The following LRBA variants were observed in gnomAD, a reference collection of about 807,000 sequenced individuals.
LRBA encodes LPS responsive beige-like anchor protein, also known as lipopolysaccharide-responsive and beige-like anchor protein.
Under a neutral mutation model 330.0 loss-of-function variants are expected in LRBA, and 176 were observed. That is an observed-to-expected ratio of 0.53 (90% confidence interval 0.47 to 0.60). LRBA has a LOEUF of 0.60. Ranked by LOEUF, LRBA falls within the 20% of genes least tolerant of loss-of-function variation. LRBA has a pLI of 0.00. For synonymous variants in LRBA, 1,230 were observed against 1,193.0 expected (o/e 1.03, Z -0.64); for missense variants, 3,259 against 3,444.8 (o/e 0.95, Z 1.35).
intron 47 of LRBA, among the ~76,000 whole-genome samples, chr4:150,378,437 T>G (rs1275830922): frequency 1.3e-5 from 2 of 152,232 alleles, no homozygotes; most frequent in Admixed American, 6.5e-5. Flanking sequence ...CTTTTATTAA[T>G]GGCTTTTATT....
At chr4:150,432,413 T>G (rs1750514706) in intron 46 of LRBA, among the ~76,000 whole-genome samples, 1 of 150,564 alleles carries the variant, frequency 6.6e-6, no homozygotes, top group Non-Finnish European at 1.5e-5. Context: ...AATGAAATAT[T>G]TACATATATT....
chr4:150,636,977 T>A (rs760629914), intron 37 of LRBA, among the ~76,000 whole-genome samples: 4 of 152,134 alleles, frequency 2.6e-5, no homozygotes, highest in Non-Finnish European at 5.9e-5. Context: ...CAATAATATG[T>A]CTAGAAGGGA....
Position 150,915,616 on chromosome 4 carries a change from T to C in LRBA, c.1006A>G (p.Thr336Ala), listed in dbSNP as rs1579191472. The change falls in exon 8 of 57, where the codon ACT becomes GCT. Residue 336 changes from threonine to alanine, a missense_variant. By Grantham distance (58) the Thr-to-Ala change is moderately conservative. Coordinates refer to ENST00000651943, the MANE Select transcript of LRBA (RefSeq NM_001364905.1). The part of the protein sequence containing the change: ...SYGEITWFVN[T>A]SDTFDKCFLG... ...ATTTTGAAACTACTTACATCGCTAG[T>C]GTTGACAAACCATGTTATCTCTCCA... is the stretch of plus-strand genomic sequence containing the variant. The C allele has an allele frequency of 2.5e-6, 4 of 1,609,538 alleles. No individual in the cohort carries two copies. The East Asian group carries it at 8.9e-5, about 36-fold the overall frequency.
chr4:150,384,739 A>G (rs1259586442), intron 47 of LRBA, among the ~76,000 whole-genome samples: 1 of 151,902 alleles, frequency 6.6e-6, no homozygotes, highest in African/African-American at 2.4e-5. Context: ...TTTATAAAAT[A>G]CAAACTTTAA....
chr4:150,935,668 AC>A (rs1368387846), intron 2 of LRBA, among the ~76,000 whole-genome samples: 1 of 151,940 alleles, frequency 6.6e-6, no homozygotes, highest in Non-Finnish European at 1.5e-5. Flanking sequence ...GAAATTCTAT[AC>A]AAAAAGAATA....
intron 4 of LRBA, among the ~76,000 whole-genome samples, chr4:150,927,869 C>T (rs1361814471): frequency 3.9e-5 from 6 of 152,114 alleles, no homozygotes; most frequent in Admixed American, 3.3e-4. Flanking sequence ...GTTTTAGATA[C>T]ATTTAATGAA....
chr4:150,969,534 C>A (rs541235844), intron 2 of LRBA, among the ~76,000 whole-genome samples: 78 of 152,172 alleles, frequency 5.1e-4, no homozygotes, highest in Non-Finnish European at 9.3e-4. Context: ...GTGGTGCAAT[C>A]ACAACTCACT....
At chr4:150,338,610 T>C (rs2127000556) in intron 48 of LRBA, among the ~76,000 whole-genome samples, 1 of 152,290 alleles carries the variant, frequency 6.6e-6, no homozygotes, top group South Asian at 2.1e-4. Context: ...TACTTTTCCT[T>C]TGATCAAAAC....
chr4:150,540,618 T>C (rs1006671714), intron 40 of LRBA, among the ~76,000 whole-genome samples: 1 of 152,256 alleles, frequency 6.6e-6, no homozygotes, highest in African/African-American at 2.4e-5. Flanking sequence ...ATGTTTATAA[T>C]ACATTCCTTA....
intron 35 of LRBA, among the ~76,000 whole-genome samples, chr4:150,760,113 C>T (rs1218537233): frequency 6.6e-6 from 1 of 152,100 alleles, no homozygotes; most frequent in Admixed American, 6.5e-5. Context: ...TGTATTTAAT[C>T]GACAGCTCCA....
At chr4:150,832,494 CCTG>C (rs1168772321) in intron 28 of LRBA, among the ~76,000 whole-genome samples, 3 of 151,952 alleles carry the variant, frequency 2.0e-5, no homozygotes, top group Non-Finnish European at 2.9e-5. Context: ...TACTCAGGAG[CCTG>C]AGGTGGGAGA....
chr4:150,653,062 G>T (rs1779848700), intron 37 of LRBA, among the ~76,000 whole-genome samples: 1 of 152,012 alleles, frequency 6.6e-6, no homozygotes, highest in Non-Finnish European at 1.5e-5. Context: ...AAAAGAACTG[G>T]CCAGGCATGG....
chr4:150,286,851 T>C (rs1408680454), intron 53 of LRBA, among the ~76,000 whole-genome samples: 1 of 152,226 alleles, frequency 6.6e-6, no homozygotes, highest in Non-Finnish European at 1.5e-5. Flanking sequence ...CCATCATGAC[T>C]AAGTAAAATG....
chr4:150,945,580 C>T (rs1034726642), intron 2 of LRBA, among the ~76,000 whole-genome samples: 1 of 152,020 alleles, frequency 6.6e-6, no homozygotes, highest in Non-Finnish European at 1.5e-5. Flanking sequence ...AGCTAAGTGC[C>T]CACTTATGCA....
intron 2 of LRBA, among the ~76,000 whole-genome samples, chr4:150,992,791 G>C (rs1742244579): frequency 6.6e-6 from 1 of 152,162 alleles, no homozygotes; most frequent in South Asian, 2.1e-4. Flanking sequence ...AAGTTGGGGG[G>C]AGAATCATCT....
chr4:150,600,910 C>T (rs892643365), intron 37 of LRBA, among the ~76,000 whole-genome samples: 6 of 152,294 alleles, frequency 3.9e-5, no homozygotes, highest in South Asian at 2.1e-4. Flanking sequence ...TGCCTACCTA[C>T]ATTTATCTGT....
At chr4:150,639,949 C>T (rs564533068) in intron 37 of LRBA, among the ~76,000 whole-genome samples, 78 of 145,392 alleles carry the variant, frequency 5.4e-4, no homozygotes, top group East Asian at 3.4e-3. Context: ...CTCCCCCTCC[C>T]GGGTTCAAGC....
In LRBA at chr4:150,529,194, G is replaced by A. The variant is rs114061321; in HGVS notation, c.6331-38159C>T. ...AGTTTCCCAAATAACTGGTTTATTCGCATATGCAGGTCTGTGTGTCTATCA... is the reference window on the plus strand; with the variant it reads ...AGTTTCCCAAATAACTGGTTTATTCACATATGCAGGTCTGTGTGTCTATCA... On this transcript the variant is annotated intron_variant, in intron 40 of 56. Coordinates refer to ENST00000651943, the MANE Select transcript of LRBA (RefSeq NM_001364905.1). 1.4e-3 allele frequency among the ~76,000 whole-genome samples: 209 copies of A among 152,176 alleles called. 4 individuals are homozygous for A. Among genetic ancestry groups the A allele is most frequent in the African/African-American group, 4.7e-3 (197 of 41,522 alleles).
At chr4:150,996,420 A>G (rs1441921699) in intron 2 of LRBA, among the ~76,000 whole-genome samples, 1 of 152,202 alleles carries the variant, frequency 6.6e-6, no homozygotes, top group Admixed American at 6.5e-5. Context: ...ATACAGGTTA[A>G]GAATAATATT....
Sources: allele counts gnomAD v4.1 joint callset (sites outside exome capture counted in the v4.1 genomes callset), GRCh38; gene constraint gnomAD v4.1.1; transcripts MANE v1.5; gene names NCBI Gene and HGNC (gene_info 2026-07-23, HGNC 2026-07-21).